CES4A: variants seen among roughly 807,000 people sequenced by gnomAD.
CES4A encodes carboxylesterase 6.
CES4A carries 48 observed loss-of-function variants against 65.4 expected under a neutral mutation model. The ratio of observed to expected loss-of-function variants is 0.73; its 90% confidence interval spans 0.58 to 0.93. The LOEUF (loss-of-function observed/expected upper bound fraction) is 0.93, where lower values mean the gene tolerates loss of function less well. Among genes scored for constraint, CES4A ranks in the 40% least tolerant of loss-of-function variants. The pLI is 0.00. For synonymous variants in CES4A, 247 were observed against 281.8 expected (o/e 0.88, Z 1.24); for missense variants, 685 against 728.5 (o/e 0.94, Z 0.69).
intron 1 of CES4A, 58 bp from the exon 2 acceptor site, chr16:66,995,570 G>T (rs1597061934): frequency 6.8e-7 from 1 of 1,468,622 alleles, no homozygotes; most frequent in Admixed American, 1.7e-5. Flanking sequence ...GCTGAGCCAG[G>T]GTCCCATTTG....
chr16:67,009,809 G>A (rs535673223), downstream of CES4A: 3 of 152,486 alleles, frequency 2.0e-5, no homozygotes, highest in Admixed American at 2.0e-4. Flanking sequence ...GAGAAAGGAA[G>A]TATTGCTGCC....
intron 1 of CES4A, among the ~76,000 whole-genome samples, chr16:66,989,337 ATATC>A (rs1272589722): frequency 6.6e-6 from 1 of 151,522 alleles, no homozygotes; most frequent in Non-Finnish European, 1.5e-5. Context: ...CTGTATAATT[ATATC>A]TATTATACTA....
chr16:66,996,003 G>A lies in CES4A; in HGVS notation c.260+174G>A, dbSNP rs1597063982. ...TCATGAGCAAACTGGTCCTGATGGTGTTTACATCACTGACAATGCTGCTGT... is the reference window on the plus strand; with the variant it reads ...TCATGAGCAAACTGGTCCTGATGGTATTTACATCACTGACAATGCTGCTGT... On this transcript the variant is annotated intron_variant, in intron 2 of 13. Transcript: ENST00000648724. 8.5e-6 allele frequency: 6 copies of A among 707,728 alleles called. No homozygotes were observed. The East Asian group carries it at 1.6e-4, about 19-fold the overall frequency. The allele number at this position is 707,728 out of a possible 1,614,324, so 43.8% of individuals were successfully genotyped here.
intron 1 of CES4A, among the ~76,000 whole-genome samples, chr16:66,991,966 GA>G (rs1477362780): frequency 2.6e-5 from 4 of 152,058 alleles, no homozygotes; most frequent in African/African-American, 4.8e-5. Flanking sequence ...AAGAAAAAAA[GA>G]AAAAAATGAG....
chr16:66,995,789 C>T (rs574184459), exon 2 of CES4A: 8 of 1,614,028 alleles, frequency 5.0e-6, no homozygotes, highest in Non-Finnish European at 6.8e-6. Context: ...ACCCCCGGAG[C>T]CCTGGAAAGG....
chr16:66,990,312 C>G (rs972769702), intron 1 of CES4A, among the ~76,000 whole-genome samples: 1 of 152,174 alleles, frequency 6.6e-6, no homozygotes, highest in Non-Finnish European at 1.5e-5. Context: ...CTCGGCCTCC[C>G]AAAGTGCTGG....
chr16:67,006,167 T>C, intron 11 of CES4A: 1 of 536,218 alleles, frequency 1.9e-6, no homozygotes, highest in Non-Finnish European at 3.3e-6. Flanking sequence ...TTTAGTATTC[T>C]CAGTCTGAAG....
At position 67,000,153 on chromosome 16, in the gene CES4A, G is replaced by A. The variant is rs934682248; in HGVS notation, c.261-485G>A. 9.2e-5 allele frequency among the ~76,000 whole-genome samples: 14 copies of A among 152,226 alleles called. No homozygotes were observed. The highest frequency in any genetic ancestry group is 2.6e-4 in the African/African-American group (11 of 41,540). On this transcript the variant is annotated intron_variant, in intron 2 of 13. Transcript: ENST00000648724. This position sits in a 1 kb window ranked among gnomAD's most constrained non-coding sequence, Gnocchi z 4.2. The stretch of plus-strand genomic sequence containing the variant: ...ATATTAGGGAAGATATGAAGAAGAG[G>A]AGTGACATAGTCCGCCAGAGTGTGG...
chr16:66,991,088 G>C (rs1191134512), intron 1 of CES4A, among the ~76,000 whole-genome samples: 2 of 151,960 alleles, frequency 1.3e-5, no homozygotes, highest in African/African-American at 4.8e-5. Flanking sequence ...ACAGTGATGC[G>C]ATCTTGGCTC....
intron 13 of CES4A, chr16:67,007,844 G>A (rs371251237): frequency 2.0e-5 from 3 of 151,872 alleles, no homozygotes; most frequent in East Asian, 1.9e-4. Context: ...GAGAGCAGTG[G>A]TGCAATCTCA....
Position 67,003,437 on chromosome 16 carries a change from C to G in CES4A, c.900+77C>G. On this transcript the variant is annotated intron_variant, in intron 7 of 13. Transcript: ENST00000648724. This position sits in a 1 kb window ranked among gnomAD's most constrained non-coding sequence, Gnocchi z 4.2. Reference sequence around the variant, plus strand: ...TATCCTGGTACCCAGCCACCCCCAACTACTTCCCCAGGGACCCTGTCTCAA... The same window carrying G: ...TATCCTGGTACCCAGCCACCCCCAAGTACTTCCCCAGGGACCCTGTCTCAA... 1 of 1,589,096 alleles carries G rather than the reference C, an allele frequency of 6.3e-7. No individual in the cohort carries two copies. Among genetic ancestry groups the G allele is most frequent in the South Asian group, 1.1e-5 (1 of 90,568 alleles).
chr16:67,006,943 GC>G, intron 13 of CES4A, 126 bp downstream of exon 13: 1 of 794,464 alleles, frequency 1.3e-6, no homozygotes, highest in Non-Finnish European at 2.0e-6. Context: ...CAAACAGGGT[GC>G]CCCTTCTTCT....
chr16:66,993,998 G>A (rs971117569), intron 1 of CES4A, among the ~76,000 whole-genome samples: 3 of 151,444 alleles, frequency 2.0e-5, no homozygotes, highest in Admixed American at 6.6e-5. Context: ...CTACTCGGGA[G>A]GCTGAGGCAG....
Position 67,009,157 on chromosome 16 carries a change from G to A in CES4A, c.*15G>A, listed in dbSNP as rs772992859. On this transcript the variant is annotated 3_prime_UTR_variant, in exon 14 of 14. Coordinates refer to ENST00000648724, the Ensembl canonical transcript of CES4A. ...GGCAATTCTAAGGGTGGCTATGCAGGAAGGAGCCAAAGAGGGGTTTGCCCC... is the reference window on the plus strand; with the variant it reads ...GGCAATTCTAAGGGTGGCTATGCAGAAAGGAGCCAAAGAGGGGTTTGCCCC... 6 of 1,607,294 alleles carry A rather than the reference G, an allele frequency of 3.7e-6. No individual in the cohort carries two copies. The African/African-American group carries it at 8.0e-5, about 22-fold the overall frequency.
Position 67,003,264 on chromosome 16 carries a change from C to T in CES4A, c.804C>T (p.Ala268=). ...CTTTCTTCTCTCTATAGAAGGTTGC[C>T]CACCTGGCTGGATGCAACCACAACA... The change falls in exon 7 of 14, where the codon GCC becomes GCT. Residue 268 remains alanine (A), a synonymous_variant. Coordinates refer to ENST00000648724, the Ensembl canonical transcript of CES4A. This position sits in a 1 kb window ranked among gnomAD's most constrained non-coding sequence, Gnocchi z 4.2. The T allele has an allele frequency of 6.2e-7, 1 of 1,614,068 alleles. No homozygotes were observed.
rs777085270 is a variant in CES4A, at chr16:67,003,530, A to T, written c.916A>T (p.Asn306Tyr). 17 of 1,613,560 alleles carry T rather than the reference A, an allele frequency of 1.1e-5. No individual in the cohort carries two copies. The highest frequency in any genetic ancestry group is 1.3e-5 in the Non-Finnish European group (15 of 1,179,588). The change falls in exon 8 of 14, where the codon AAC becomes TAC. Residue 306 changes from asparagine to tyrosine, a missense_variant. Physicochemically the swap from Asn to Tyr is moderately radical, Grantham distance 143. Transcript: ENST00000648724. The surrounding 1 kb of genome is among the most constrained non-coding windows in gnomAD (Gnocchi z 4.2). ...TCCCCCATAGAGATTCCTCCAACTG[A>T]ACTTCCAGAGAGACCCGGAAGAGGT...
chr16:66,991,387 C>T (rs550523404), intron 1 of CES4A, among the ~76,000 whole-genome samples: 2 of 152,324 alleles, frequency 1.3e-5, no homozygotes, highest in African/African-American at 4.8e-5. Context: ...GGCATTGTAT[C>T]AGTTTATCCT....
chr16:67,005,858 A>C (rs1254180874), intron 11 of CES4A: 1 of 171,610 alleles, frequency 5.8e-6, no homozygotes, highest in Admixed American at 5.8e-5. Context: ...CAAAAAAAAA[A>C]CAAAAAAAGT....
chr16:66,998,148 G>C (rs1281238513), intron 2 of CES4A, among the ~76,000 whole-genome samples: 1 of 151,836 alleles, frequency 6.6e-6, no homozygotes, highest in South Asian at 2.1e-4. Context: ...TGGGAGAAAG[G>C]ATGGTCAGAA....
Sources: gnomAD v4.1 joint callset for allele counts (sites outside exome capture counted in the v4.1 genomes callset) on GRCh38, gnomAD v4.1.1 for gene constraint, Gnocchi (gnomAD v3.1) non-coding constraint, MANE v1.5 for transcripts, NCBI Gene and HGNC (gene_info 2026-07-23, HGNC 2026-07-21) for gene names.